ERCC1: variants seen among roughly 807,000 people sequenced by gnomAD.
The protein encoded by ERCC1 is DNA excision repair protein ERCC-1.
ERCC1 carries 36 observed loss-of-function variants against 37.6 expected under a neutral mutation model. The observed-to-expected ratio is 0.96, with a 90% CI of 0.73 to 1.26. The LOEUF (loss-of-function observed/expected upper bound fraction) is 1.26, where lower values mean the gene tolerates loss of function less well. Ranked by LOEUF, ERCC1 falls within the 50% of genes most tolerant of loss-of-function variation. The probability of loss-of-function intolerance (pLI) is 0.00; values close to 1 mark genes in which losing one functional copy is unlikely to be tolerated. For missense variants in ERCC1, 349 were observed against 376.5 expected, an observed-to-expected ratio of 0.93 and a Z score of 0.60; for synonymous variants, 156 against 162.1, an observed-to-expected ratio of 0.96 and a Z score of 0.28.
chr19:45,437,889 T>G (rs1975020565), intron 1 of ERCC1, among the ~76,000 whole-genome samples: 2 of 151,892 alleles, frequency 1.3e-5, no homozygotes, highest in Non-Finnish European at 2.9e-5. Context: ...TTTTATTTTT[T>G]GTCACTACGT....
Position 45,419,131 on chromosome 19 carries a change from G to T in ERCC1, c.492C>A (p.Phe164Leu), listed in dbSNP as rs779613107. 6.3e-7 allele frequency: 1 copy of T among 1,592,560 alleles called. No homozygotes were observed. The highest frequency in any genetic ancestry group is 8.6e-7 in the Non-Finnish European group (1 of 1,168,606). The change falls in exon 5 of 10, where the codon TTC becomes TTA. Residue 164 changes from phenylalanine (F) to leucine (L), a missense_variant. Physicochemically the swap from Phe to Leu is conservative, Grantham distance 22 (BLOSUM62 0). Transcript: ENST00000300853. ...CCTGGACAAGCAGGACCCGCAAGGC[G>T]AAGTTCTTCCCCAGGCTCTGCAGCC... is the stretch of plus-strand genomic sequence containing the variant. Reference protein sequence around the residue: ...HGRLQSLGKNFALRVLLVQVD... With the variant: ...HGRLQSLGKNLALRVLLVQVD...
intron 1 of ERCC1, among the ~76,000 whole-genome samples, chr19:45,434,056 A>T (rs1340099843): frequency 1.3e-5 from 2 of 150,600 alleles, no homozygotes; most frequent in Non-Finnish European, 3.0e-5. Context: ...AGGCAGGAGA[A>T]TCACTTGAAC....
chr19:45,413,820 G>T, intron 8 of ERCC1, 75 bp from the exon 9 acceptor site: 1 of 1,603,544 alleles, frequency 6.2e-7, no homozygotes, highest in Admixed American at 1.7e-5. Flanking sequence ...AGGGGCCTCA[G>T]ATATTCCCCA....
chr19:45,423,655 G>T, intron 1 of ERCC1, 126 bp downstream of exon 1: 1 of 1,281,078 alleles, frequency 7.8e-7, no homozygotes, highest in Non-Finnish European at 1.0e-6. Flanking sequence ...CCCGCCTTCC[G>T]TTCGTCCGGC....
intron 6 of ERCC1, among the ~76,000 whole-genome samples, chr19:45,415,548 A>C (rs1276626060): frequency 1.4e-5 from 2 of 144,516 alleles, no homozygotes; most frequent in Non-Finnish European, 3.0e-5. Context: ...AGGCATGAGA[A>C]TGGCGTGAAC....
At chr19:45,440,057 C>T (rs1173725690) in intron 1 of ERCC1, among the ~76,000 whole-genome samples, 3 of 152,028 alleles carry the variant, frequency 2.0e-5, no homozygotes, top group African/African-American at 7.2e-5. Context: ...GCAGCCCGGC[C>T]GAGCAGGCGC....
chr19:45,446,138 G>A (rs748794575), intron 1 of ERCC1, among the ~76,000 whole-genome samples: 1 of 152,118 alleles, frequency 6.6e-6, no homozygotes, highest in Non-Finnish European at 1.5e-5. Flanking sequence ...GACCTCAGGT[G>A]ATTTGCCCAC....
upstream of ERCC1, among the ~76,000 whole-genome samples, chr19:45,427,348 G>T (rs10084146): frequency 1.3e-5 from 2 of 152,168 alleles, no homozygotes; most frequent in East Asian, 3.9e-4. Context: ...AGTGGCTCAC[G>T]CCTGTAATCT....
chr19:45,426,959 TAA>T (rs1555789830), upstream of ERCC1, among the ~76,000 whole-genome samples: 18 of 92,460 alleles, frequency 1.9e-4, no homozygotes, highest in African/African-American at 3.8e-4. Context: ...AAACTCCATC[TAA>T]AAAAAAAAAA....
Position 45,409,249 on chromosome 19 carries a change from G to A in ERCC1, c.*426C>T, listed in dbSNP as rs1360386294. 3.8e-6 allele frequency: 6 copies of A among 1,595,074 alleles called. No homozygotes were observed. Among genetic ancestry groups the A allele is most frequent in the South Asian group, 1.1e-5 (1 of 90,036 alleles). On this transcript the variant is annotated 3_prime_UTR_variant, in exon 10 of 10. Transcript: ENST00000300853. ...CATCCACCAAGAAGAAGAAGAAGAA[G>A]AAAGAGAGAGGTCACACAGTGACTG... is the stretch of plus-strand genomic sequence containing the variant.
At chr19:45,446,179 C>T (rs922187895) in intron 1 of ERCC1, among the ~76,000 whole-genome samples, 1 of 152,072 alleles carries the variant, frequency 6.6e-6, no homozygotes, top group South Asian at 2.1e-4. Context: ...GGATTACAGG[C>T]GTGAGCCACC....
At chr19:45,415,006 T>C (rs369002622) in intron 6 of ERCC1, 46 bp from the exon 7 acceptor site, 1 of 1,442,306 alleles carries the variant, frequency 6.9e-7, no homozygotes, top group Admixed American at 1.7e-5. Flanking sequence ...GGTATCAGAT[T>C]ATAGATTTGC....
At chr19:45,443,437 C>G (rs571083366) in intron 1 of ERCC1, among the ~76,000 whole-genome samples, 1 of 152,170 alleles carries the variant, frequency 6.6e-6, no homozygotes, top group African/African-American at 2.4e-5. Flanking sequence ...TAAGAACACC[C>G]CTCCCCACCT....
At chr19:45,426,959 TAAA>T (rs1555789830), upstream of ERCC1, among the ~76,000 whole-genome samples, 5 of 92,462 alleles carry the variant, frequency 5.4e-5, no homozygotes, top group South Asian at 3.2e-4. Context: ...AAACTCCATC[TAAA>T]AAAAAAAAAA....
chr19:45,449,344 C>G (rs572746564), intron 1 of ERCC1: 1 of 152,082 alleles, frequency 6.6e-6, no homozygotes, highest in Non-Finnish European at 1.5e-5. Flanking sequence ...TTACAAACAC[C>G]GTCTTATGTA....
chr19:45,439,769 C>G (rs971497567), intron 1 of ERCC1, among the ~76,000 whole-genome samples: 1 of 151,988 alleles, frequency 6.6e-6, no homozygotes, highest in Non-Finnish European at 1.5e-5. Context: ...CGCGGGGTGT[C>G]CAGGGCGCCC....
At chr19:45,427,618 A>C (rs1974727756), upstream of ERCC1, among the ~76,000 whole-genome samples, 1 of 152,186 alleles carries the variant, frequency 6.6e-6, no homozygotes, top group African/African-American at 2.4e-5. Flanking sequence ...CGTCTCAAAA[A>C]ACGAAAAAAA....
intron 4 of ERCC1, among the ~76,000 whole-genome samples, chr19:45,419,748 T>C (rs1974287430): frequency 6.6e-6 from 1 of 152,258 alleles, no homozygotes; most frequent in African/African-American, 2.4e-5. Context: ...AGGGTAGAGA[T>C]GGGAGAAATC....
At position 45,422,652 on chromosome 19, in the gene ERCC1, G is replaced by A. The variant is rs1974508690; in HGVS notation, c.105+618C>T. Among the ~76,000 whole-genome samples the A allele has an allele frequency of 2.6e-5, 4 of 152,252 alleles. No individual in the cohort carries two copies. In the South Asian group the frequency reaches 6.2e-4, roughly 24 times the overall value. ...CGCTCCTGTAATCCCAGTTACTCGG[G>A]AGGCTGAGGCAGGAGAATCGCTTGA... On this transcript the variant is annotated intron_variant, in intron 2 of 9. Transcript: ENST00000300853.
Sources: gnomAD v4.1 joint callset for allele counts (sites outside exome capture counted in the v4.1 genomes callset) on GRCh38, gnomAD v4.1.1 for gene constraint, MANE v1.5 for transcripts, NCBI Gene and HGNC (gene_info 2026-07-23, HGNC 2026-07-21) for gene names.